PRKCB: variants seen among roughly 807,000 people sequenced by gnomAD.
The protein encoded by PRKCB is protein kinase C beta.
PRKCB carries 13 observed loss-of-function variants against 81.5 expected under a neutral mutation model. The observed-to-expected ratio is 0.16, with a 90% CI of 0.10 to 0.25. PRKCB has a LOEUF of 0.25. Ranked by LOEUF, PRKCB falls within the 10% of genes least tolerant of loss-of-function variation. The probability of loss-of-function intolerance (pLI) is 1.00; values close to 1 mark genes in which losing one functional copy is unlikely to be tolerated. For missense variants in PRKCB, 509 were observed against 875.7 expected (o/e 0.58, Z 5.29); for synonymous variants, 335 against 321.4 (o/e 1.04, Z -0.45).
At chr16:24,090,906 A>G (rs772586683) in intron 5 of PRKCB, among the ~76,000 whole-genome samples, 1 of 152,212 alleles carries the variant, frequency 6.6e-6, no homozygotes, top group South Asian at 2.1e-4. Context: ...CTTTCTTCTA[A>G]TCTGTTTTTC....
intron 12 of PRKCB, among the ~76,000 whole-genome samples, chr16:24,179,535 A>T (rs1197737162): frequency 1.3e-5 from 2 of 152,212 alleles, no homozygotes; most frequent in Non-Finnish European, 2.9e-5. Context: ...AAGCATTGAC[A>T]TTGGAGTAGG....
At chr16:23,848,249 T>C (rs537779106) in intron 2 of PRKCB, among the ~76,000 whole-genome samples, 11 of 152,154 alleles carry the variant, frequency 7.2e-5, no homozygotes, top group African/African-American at 2.7e-4. Flanking sequence ...GTGAGTGAAA[T>C]GGCCAAATGT....
At chr16:24,124,449 T>G (rs1966839095) in intron 9 of PRKCB, among the ~76,000 whole-genome samples, 1 of 152,172 alleles carries the variant, frequency 6.6e-6, no homozygotes, top group East Asian at 1.9e-4. Context: ...TCACTCACAG[T>G]GCAGCGGGGA....
chr16:24,040,702 T>G (rs1035845548), intron 5 of PRKCB, among the ~76,000 whole-genome samples: 3 of 152,224 alleles, frequency 2.0e-5, no homozygotes, highest in Non-Finnish European at 4.4e-5. Context: ...CTTTCACTGA[T>G]GGTCCCCAGA....
chr16:24,061,580 C>T (rs912934626), intron 5 of PRKCB, among the ~76,000 whole-genome samples: 3 of 152,070 alleles, frequency 2.0e-5, no homozygotes, highest in African/African-American at 2.4e-5. Context: ...ACAGTGGTCA[C>T]GATTTATAAA....
intron 12 of PRKCB, among the ~76,000 whole-genome samples, chr16:24,179,114 T>C (rs544291186): frequency 6.6e-6 from 1 of 152,324 alleles, no homozygotes; most frequent in South Asian, 2.1e-4. Context: ...ATCCCTTTCC[T>C]GATTATGCCA....
chr16:23,981,640 CTTTT>C, intron 2 of PRKCB, among the ~76,000 whole-genome samples: 1 of 127,220 alleles, frequency 7.9e-6, no homozygotes, highest in Non-Finnish European at 1.7e-5. Flanking sequence ...TTTTCCCTTT[CTTTT>C]CTCCTTCCCT....
chr16:23,945,474 G>C (rs2141772361), intron 2 of PRKCB, among the ~76,000 whole-genome samples: 1 of 152,326 alleles, frequency 6.6e-6, no homozygotes, highest in Admixed American at 6.5e-5. Flanking sequence ...AGCCCTTCTG[G>C]AGGGATGGGA....
chr16:24,145,390 C>T lies in PRKCB; in HGVS notation c.1066-9294C>T, dbSNP rs111876899. Reference sequence around the variant, plus strand: ...GCCAGGAGTTCCAGACAAGCTGGGGCAACAGAGTGAGACCTAATGTCTACC... The same window carrying T: ...GCCAGGAGTTCCAGACAAGCTGGGGTAACAGAGTGAGACCTAATGTCTACC... On this transcript the variant is annotated intron_variant, in intron 9 of 16. Coordinates refer to ENST00000643927, the MANE Select transcript of PRKCB (RefSeq NM_002738.7). Among the ~76,000 whole-genome samples the T allele has an allele frequency of 2.5e-4, 38 of 151,860 alleles. 1 individual carries two copies. The highest frequency in any genetic ancestry group is 1.0e-4 in the Non-Finnish European group (7 of 67,982).
intron 11 of PRKCB, among the ~76,000 whole-genome samples, chr16:24,172,663 T>C (rs1268279435): frequency 6.6e-6 from 1 of 152,072 alleles, no homozygotes; most frequent in Non-Finnish European, 1.5e-5. Flanking sequence ...CTGGGCACCA[T>C]GACGAGATCT....
chr16:24,030,938 C>T (rs1965543466), intron 3 of PRKCB, among the ~76,000 whole-genome samples: 1 of 151,228 alleles, frequency 6.6e-6, no homozygotes, highest in Non-Finnish European at 1.5e-5. Flanking sequence ...GTTGCATGCA[C>T]CTGTAGTCCC....
intron 3 of PRKCB, among the ~76,000 whole-genome samples, chr16:24,000,487 TC>T (rs1965018161): frequency 2.0e-5 from 3 of 152,230 alleles, no homozygotes. Flanking sequence ...CTTGGGCATG[TC>T]GTTCGACTTC....
intron 10 of PRKCB, chr16:24,172,053 T>C: frequency 2.2e-6 from 1 of 461,896 alleles, no homozygotes; most frequent in Non-Finnish European, 4.0e-6. Context: ...AAAGTTGTAA[T>C]TATTAATGAA....
chr16:24,032,811 G>A (rs1965566182), intron 4 of PRKCB, among the ~76,000 whole-genome samples: 1 of 152,234 alleles, frequency 6.6e-6, no homozygotes, highest in Admixed American at 6.5e-5. Flanking sequence ...CATGTGAGAT[G>A]CACAGTCACA....
chr16:23,952,395 T>C (rs1964295358), intron 2 of PRKCB, among the ~76,000 whole-genome samples: 1 of 152,226 alleles, frequency 6.6e-6, no homozygotes, highest in Non-Finnish European at 1.5e-5. Context: ...ATTCTGCGTA[T>C]GTGTGAACAA....
In PRKCB at chr16:24,191,145, A is replaced by G. The variant is rs775297421; in HGVS notation, c.1778A>G (p.Asp593Gly). 1.2e-6 allele frequency: 2 copies of G among 1,614,160 alleles called. No homozygotes were observed. The highest frequency in any genetic ancestry group is 3.3e-5 in the Admixed American group (2 of 60,028). The change falls in exon 16 of 17, where the codon GAT becomes GGT. Residue 593 changes from aspartate (D) to glycine (G), a missense_variant. By Grantham distance (94) the Asp-to-Gly change is moderately conservative (BLOSUM62 -1). Transcript: ENST00000643927. ...GGTTGTGGACCTGAAGGCGAACGTG[A>G]TATCAAAGAGCATGCATTTTTCCGG... is the stretch of plus-strand genomic sequence containing the variant. ...RLGCGPEGER[D>G]IKEHAFFRYI...
chr16:23,940,808 G>C (rs375491443), intron 2 of PRKCB, among the ~76,000 whole-genome samples: 10 of 152,248 alleles, frequency 6.6e-5, no homozygotes, highest in African/African-American at 2.4e-4. Context: ...TCGGATTTAT[G>C]TCGTAGCTTT....
rs1341902731 is a variant in PRKCB at position 24,127,675 on chromosome 16, C to T, written c.1065+3694C>T. Reference sequence around the variant, plus strand: ...CGTAGGAGAATGAATCACTGGGGAGCAATGAGAGAATAGATCATATGTCTC... The same window carrying T: ...CGTAGGAGAATGAATCACTGGGGAGTAATGAGAGAATAGATCATATGTCTC... On this transcript the variant is annotated intron_variant, in intron 9 of 16. Transcript: ENST00000643927. 2.6e-5 allele frequency among the ~76,000 whole-genome samples: 4 copies of T among 151,838 alleles called. No homozygotes were observed. The East Asian group carries it at 7.7e-4, about 29-fold the overall frequency.
intron 3 of PRKCB, among the ~76,000 whole-genome samples, chr16:24,021,025 T>TTTCCCTCCCTCCCTCCCTCCC (rs1965363702): frequency 7.1e-6 from 1 of 141,678 alleles, no homozygotes; most frequent in East Asian, 2.2e-4. Context: ...TCTTTCTTTC[T>TTTCCCTCCCTCCCTCCCTCCC]TTCTTTCTTT....
Sources: gnomAD v4.1 joint callset for allele counts (sites outside exome capture counted in the v4.1 genomes callset) on GRCh38, gnomAD v4.1.1 for gene constraint, MANE v1.5 for transcripts, NCBI Gene and HGNC (gene_info 2026-07-23, HGNC 2026-07-21) for gene names.